The following KLRG2 variants were observed in gnomAD, a reference collection of about 807,000 sequenced individuals.
The protein encoded by KLRG2 is killer cell lectin like receptor G2.
In KLRG2, 39 loss-of-function variants were observed where a neutral mutation model predicts 35.4. The ratio of observed to expected loss-of-function variants is 1.10; its 90% confidence interval spans 0.85 to 1.44. The LOEUF (loss-of-function observed/expected upper bound fraction) is 1.44, where lower values mean the gene tolerates loss of function less well. Among genes scored for constraint, KLRG2 ranks in the 40% most tolerant of loss-of-function variants. KLRG2 has a pLI of 0.00. For missense variants in KLRG2, 632 were observed against 570.9 expected, an observed-to-expected ratio of 1.11 and a Z score of -1.09; for synonymous variants, 283 against 265.8, an observed-to-expected ratio of 1.06 and a Z score of -0.63.
chr7:139,442,586 C>T, the KLRG2 span, among the ~76,000 whole-genome samples: 7 of 152,170 alleles, frequency 4.6e-5, no homozygotes. Flanking sequence ...TGGCTCATGC[C>T]TGTAATCCCA....
chr7:139,457,742 G>A (rs1030427443), intron 3 of KLRG2, among the ~76,000 whole-genome samples: 18 of 150,662 alleles, frequency 1.2e-4, no homozygotes, highest in African/African-American at 4.2e-4. Context: ...GGCCTCCCCC[G>A]AGCCCCAGCC....
At chr7:139,429,787 G>A in the KLRG2 span, among the ~76,000 whole-genome samples, 1 of 152,180 alleles carries the variant, frequency 6.6e-6, no homozygotes, top group Non-Finnish European at 1.5e-5. Context: ...CACAGACACG[G>A]CAACCATTCG....
rs373803039 is a variant in KLRG2 at position 139,462,191 on chromosome 7, C to T, written c.1006-7977G>A. ...TTACGGACTCGGGAAAACAGTCTTCCCTTGGTGTTTAATCACGCAGGGATG... is the reference window on the plus strand; with the variant it reads ...TTACGGACTCGGGAAAACAGTCTTCTCTTGGTGTTTAATCACGCAGGGATG... On this transcript the variant is annotated intron_variant, in intron 3 of 4. Coordinates refer to ENST00000340940, the MANE Select transcript of KLRG2 (RefSeq NM_198508.4). Among the ~76,000 whole-genome samples the T allele has an allele frequency of 6.6e-5, 10 of 152,300 alleles. No homozygotes were observed. The South Asian group carries it at 1.9e-3, about 28-fold the overall frequency.
At chr7:139,451,426 G>A (rs750168328), downstream of KLRG2, among the ~76,000 whole-genome samples, 1 of 152,176 alleles carries the variant, frequency 6.6e-6, no homozygotes, top group Admixed American at 6.5e-5. Context: ...TTTGAACCCA[G>A]GAGGCGGAGG....
In KLRG2 at chr7:139,483,395, A is replaced by G. The variant is rs1456009795; in HGVS notation, c.248T>C (p.Leu83Pro). The G allele has an allele frequency of 1.8e-5, 28 of 1,540,554 alleles. No homozygotes were observed. The highest frequency in any genetic ancestry group is 2.3e-5 in the Non-Finnish European group (27 of 1,155,984). ...PRPGSPRVPPLSLGYGVCPEP... is the reference protein window; with the variant it reads ...PRPGSPRVPPPSLGYGVCPEP... ...GGGGCAGACCCCGTAGCCCAGGCTGAGCGGCGGCACGCGCGGGGACCCGGG... is the reference window on the plus strand; with the variant it reads ...GGGGCAGACCCCGTAGCCCAGGCTGGGCGGCGGCACGCGCGGGGACCCGGG... The change falls in exon 1 of 5, where the codon CTC becomes CCC. Residue 83 changes from leucine (L) to proline (P), a missense_variant. Physicochemically the swap from Leu to Pro is moderately conservative, Grantham distance 98. Transcript: ENST00000340940.
Position 139,483,066 on chromosome 7 carries a change from T to C in KLRG2, c.577A>G (p.Thr193Ala). Residue 193 changes from threonine to alanine, a missense_variant, in exon 1 of 5, where the codon ACG becomes GCG. By Grantham distance (58) the Thr-to-Ala change is moderately conservative. Coordinates refer to ENST00000340940, the MANE Select transcript of KLRG2 (RefSeq NM_198508.4). ...CCCTCTGCGTCGCAGCCGCTCTCCG[T>C]CCGGGCTGCAGCCAGCGGCGAGCGG... ...GRRSPLAAARTESGCDAEGRA... is the reference protein window; with the variant it reads ...GRRSPLAAARAESGCDAEGRA... 1 of 1,391,218 alleles carries C rather than the reference T, an allele frequency of 7.2e-7. No homozygotes were observed. The highest frequency in any genetic ancestry group is 9.2e-7 in the Non-Finnish European group (1 of 1,083,384). 86.2% of individuals were successfully genotyped at this position (1,391,218 alleles called of 1,614,324 possible). A position where few individuals can be genotyped will look rare whatever the true frequency, so the allele number is the denominator to read the frequency against.
the KLRG2 span, among the ~76,000 whole-genome samples, chr7:139,428,107 T>G: frequency 1.3e-5 from 2 of 152,098 alleles, no homozygotes; most frequent in African/African-American, 4.8e-5. Context: ...AAGACTGAAA[T>G]GAATGAAGCA....
chr7:139,432,399 G>A, the KLRG2 span, among the ~76,000 whole-genome samples: 206 of 152,198 alleles, frequency 1.4e-3, no homozygotes, highest in South Asian at 4.1e-3. Context: ...GCCTAGTCTC[G>A]CTGTAAACTG....
At chr7:139,447,145 C>A in the KLRG2 span, among the ~76,000 whole-genome samples, 1 of 152,098 alleles carries the variant, frequency 6.6e-6, no homozygotes, top group East Asian at 1.9e-4. Flanking sequence ...ACGTTAAAAC[C>A]CAATAAAATA....
intron 3 of KLRG2, among the ~76,000 whole-genome samples, chr7:139,475,241 C>A (rs1416789372): frequency 6.6e-6 from 1 of 152,086 alleles, no homozygotes. Flanking sequence ...TGAGTGAGAA[C>A]TTGTCCCAGG....
chr7:139,439,401 G>A, the KLRG2 span, among the ~76,000 whole-genome samples: 1 of 152,200 alleles, frequency 6.6e-6, no homozygotes, highest in Non-Finnish European at 1.5e-5. Flanking sequence ...TTTCTGGGGG[G>A]CTGTCAAGGG....
chr7:139,432,750 C>A, the KLRG2 span, among the ~76,000 whole-genome samples: 2 of 152,244 alleles, frequency 1.3e-5, no homozygotes, highest in African/African-American at 4.8e-5. Context: ...TTTAAGTCAC[C>A]TCTACATTGC....
downstream of KLRG2, among the ~76,000 whole-genome samples, chr7:139,451,548 G>A (rs113697343): frequency 4.9e-3 from 741 of 152,038 alleles, 3 homozygotes; most frequent in African/African-American, 0.017. Context: ...CCGAGGGAGT[G>A]GATTATCACA....
At chr7:139,432,277 G>A in the KLRG2 span, among the ~76,000 whole-genome samples, 43,149 of 151,512 alleles carry the variant, frequency 0.28, 6,903 homozygotes, top group African/African-American at 0.42. Flanking sequence ...GATCACTGGC[G>A]CCCAGGATGA....
At chr7:139,429,733 C>G in the KLRG2 span, among the ~76,000 whole-genome samples, 27 of 152,322 alleles carry the variant, frequency 1.8e-4, 1 homozygote. Flanking sequence ...AAGAATTGTT[C>G]TTAGTACAGA....
chr7:139,447,673 G>A, the KLRG2 span, among the ~76,000 whole-genome samples: 3 of 152,018 alleles, frequency 2.0e-5, no homozygotes, highest in Non-Finnish European at 4.4e-5. Flanking sequence ...AAAGTGCTGG[G>A]ACTACAGGTG....
the KLRG2 span, among the ~76,000 whole-genome samples, chr7:139,447,510 C>T: frequency 2.6e-5 from 4 of 151,694 alleles, no homozygotes; most frequent in African/African-American, 7.3e-5. Flanking sequence ...CAGCCATTCT[C>T]GTGCCTCAGC....
chr7:139,433,625 C>CT, the KLRG2 span, among the ~76,000 whole-genome samples: 13,129 of 118,942 alleles, frequency 0.11, 2,159 homozygotes, highest in African/African-American at 0.37. Context: ...TGCGCCCGGC[C>CT]TTTTTTTTTT....
At chr7:139,477,562 G>A (rs34816855) in intron 3 of KLRG2, among the ~76,000 whole-genome samples, 20,813 of 152,122 alleles carry the variant, frequency 0.14, 1,515 homozygotes, top group East Asian at 0.27. Context: ...AGGCAGCTTG[G>A]TGGCTGCCAG....
Sources: allele counts gnomAD v4.1 joint callset (sites outside exome capture counted in the v4.1 genomes callset), GRCh38; gene constraint gnomAD v4.1.1; transcripts MANE v1.5; gene names NCBI Gene and HGNC (gene_info 2026-07-23, HGNC 2026-07-21).